FRMD4B: variants seen among roughly 807,000 people sequenced by gnomAD.
FRMD4B encodes the protein FERM domain containing 4B.
In FRMD4B, 74 loss-of-function variants were observed where a neutral mutation model predicts 141.5. The observed-to-expected ratio is 0.52, with a 90% CI of 0.43 to 0.63. FRMD4B has a LOEUF of 0.63. Among genes scored for constraint, FRMD4B ranks in the 30% least tolerant of loss-of-function variants. FRMD4B has a pLI of 0.00. For missense variants in FRMD4B, 1,366 were observed against 1,253.4 expected, an observed-to-expected ratio of 1.09 and a Z score of -1.36; for synonymous variants, 506 against 467.9, an observed-to-expected ratio of 1.08 and a Z score of -1.05.
At chr3:69,273,021 T>C (rs2093602725) in intron 5 of FRMD4B, among the ~76,000 whole-genome samples, 1 of 152,198 alleles carries the variant, frequency 6.6e-6, no homozygotes, top group African/African-American at 2.4e-5. Flanking sequence ...TGGGGATTCA[T>C]TTTTCCAATT....
intron 1 of FRMD4B, among the ~76,000 whole-genome samples, chr3:69,539,608 A>T (rs1701135456): frequency 6.6e-6 from 1 of 152,230 alleles, no homozygotes; most frequent in Non-Finnish European, 1.5e-5. Context: ...ATGAAAACTA[A>T]ACCTCAAAAT....
chr3:69,282,674 T>G (rs148281419), intron 5 of FRMD4B, among the ~76,000 whole-genome samples: 88 of 152,314 alleles, frequency 5.8e-4, no homozygotes, highest in Non-Finnish European at 1.1e-3. Context: ...AGTCTCATTC[T>G]GTTGCCAGGT....
chr3:69,513,829 G>A (rs12497181), intron 1 of FRMD4B, among the ~76,000 whole-genome samples: 35,740 of 151,812 alleles, frequency 0.24, 4,374 homozygotes, highest in African/African-American at 0.29. Context: ...AATCAATGCA[G>A]AAAAAGTACA....
intron 1 of FRMD4B, among the ~76,000 whole-genome samples, chr3:69,453,803 T>C (rs1705538553): frequency 6.6e-6 from 1 of 152,204 alleles, no homozygotes; most frequent in African/African-American, 2.4e-5. Flanking sequence ...GAAATCCATG[T>C]AGCCAAGAAA....
At chr3:69,212,381 G>GAAAAAA (rs61444871) in intron 11 of FRMD4B, among the ~76,000 whole-genome samples, 1 of 95,596 alleles carries the variant, frequency 1.0e-5, no homozygotes, top group Non-Finnish European at 1.9e-5. Flanking sequence ...AAAAAAAAAA[G>GAAAAAA]AAAAAAAAAA....
intron 2 of FRMD4B, among the ~76,000 whole-genome samples, chr3:69,400,842 T>C (rs1704551614): frequency 6.6e-6 from 1 of 152,218 alleles, no homozygotes; most frequent in Non-Finnish European, 1.5e-5. Flanking sequence ...TAGCTCTGCT[T>C]CTATTACACT....
rs187709597 is a variant in FRMD4B, at chr3:69,430,047, C to A, written c.-1+2587G>T. Among the ~76,000 whole-genome samples the A allele has an allele frequency of 9.9e-5, 15 of 152,238 alleles. No individual in the cohort carries two copies. The East Asian group carries it at 2.9e-3, about 29-fold the overall frequency. ...AAGTGCTGGGATTACAGGCATGAGC[C>A]ACCATGCCCGGGCCTGGATGACTCT... is the stretch of plus-strand genomic sequence containing the variant. On this transcript the variant is annotated intron_variant, in intron 2 of 5. Transcript: ENST00000459638.
At chr3:69,347,663 T>C (rs1413185260) in intron 1 of FRMD4B, among the ~76,000 whole-genome samples, 1 of 152,092 alleles carries the variant, frequency 6.6e-6, no homozygotes, top group African/African-American at 2.4e-5. Context: ...AAACTAGAAC[T>C]CAGGATTAAG....
chr3:69,346,146 T>C (rs1039443016), intron 1 of FRMD4B, among the ~76,000 whole-genome samples: 2 of 152,048 alleles, frequency 1.3e-5, no homozygotes, highest in Admixed American at 6.6e-5. Flanking sequence ...AATGACCTGA[T>C]GGAGCTGAAA....
At chr3:69,333,436 C>A (rs924223609) in intron 1 of FRMD4B, among the ~76,000 whole-genome samples, 1 of 152,146 alleles carries the variant, frequency 6.6e-6, no homozygotes, top group African/African-American at 2.4e-5. Context: ...AGCCAGATCA[C>A]CCCCAGATTT....
At chr3:69,300,833 G>C (rs1312975438) in intron 4 of FRMD4B, among the ~76,000 whole-genome samples, 1 of 152,120 alleles carries the variant, frequency 6.6e-6, no homozygotes, top group Non-Finnish European at 1.5e-5. Context: ...CCGCCTCCAG[G>C]GTTCAAGCTA....
chr3:69,186,908 T>G (rs1383068316), intron 19 of FRMD4B, among the ~76,000 whole-genome samples: 1 of 152,242 alleles, frequency 6.6e-6, no homozygotes, highest in African/African-American at 2.4e-5. Context: ...TAAAGATTGA[T>G]CCATACAGCC....
chr3:69,277,606 T>G (rs1429113031), intron 5 of FRMD4B, among the ~76,000 whole-genome samples: 5 of 127,706 alleles, frequency 3.9e-5, no homozygotes, highest in African/African-American at 5.9e-5. Flanking sequence ...CACTGCAACC[T>G]CCGCCTCCCA....
At chr3:69,243,724 CTGAA>C (rs1212924824) in intron 7 of FRMD4B, among the ~76,000 whole-genome samples, 1 of 152,162 alleles carries the variant, frequency 6.6e-6, no homozygotes, top group Non-Finnish European at 1.5e-5. Context: ...TGTGGTAAGA[CTGAA>C]TGAAATCAGA....
chr3:69,292,384 G>A (rs958246831), intron 4 of FRMD4B, among the ~76,000 whole-genome samples: 2 of 152,212 alleles, frequency 1.3e-5, no homozygotes, highest in African/African-American at 4.8e-5. Context: ...TTTGAGCCCT[G>A]AAGAAACCGC....
At chr3:69,201,726 T>C (rs1433608446) in intron 11 of FRMD4B, among the ~76,000 whole-genome samples, 1 of 152,180 alleles carries the variant, frequency 6.6e-6, no homozygotes, top group Non-Finnish European at 1.5e-5. Flanking sequence ...AGGATGCAGC[T>C]CTACAAACGG....
At chr3:69,326,521 A>G (rs559404370) in intron 1 of FRMD4B, among the ~76,000 whole-genome samples, 1 of 152,202 alleles carries the variant, frequency 6.6e-6, no homozygotes, top group South Asian at 2.1e-4. Context: ...ATGCAAGTTA[A>G]TATGTGTTCA....
intron 11 of FRMD4B, among the ~76,000 whole-genome samples, chr3:69,211,953 T>C (rs1342787206): frequency 6.7e-6 from 1 of 150,114 alleles, no homozygotes; most frequent in Admixed American, 6.6e-5. Context: ...AAAATAAATA[T>C]ATGGAAGCAA....
chr3:69,289,504 T>C (rs547592944), intron 4 of FRMD4B, among the ~76,000 whole-genome samples: 118 of 152,256 alleles, frequency 7.8e-4, no homozygotes, highest in African/African-American at 2.7e-3. Flanking sequence ...AGCTCAACAA[T>C]GGATAGCCAG....
Sources: gnomAD v4.1 joint callset for allele counts (sites outside exome capture counted in the v4.1 genomes callset) on GRCh38, gnomAD v4.1.1 for gene constraint, MANE v1.5 for transcripts, NCBI Gene and HGNC (gene_info 2026-07-23, HGNC 2026-07-21) for gene names.